YIPF4: variants seen among roughly 807,000 people sequenced by gnomAD.
YIPF4 encodes the protein protein YIPF4.
YIPF4 carries 18 observed loss-of-function variants against 29.4 expected under a neutral mutation model. The ratio of observed to expected loss-of-function variants is 0.61; its 90% CI spans 0.42 to 0.91. The LOEUF (loss-of-function observed/expected upper bound fraction) is 0.91. Ranked by LOEUF, YIPF4 falls within the 40% of genes least tolerant of loss-of-function variation. The pLI, the probability that YIPF4 is intolerant of heterozygous loss-of-function variation, is 0.00. For synonymous variants in YIPF4, 115 were observed against 104.7 expected, an observed-to-expected ratio of 1.10 and a Z score of -0.60; for missense variants, 279 against 282.7, an observed-to-expected ratio of 0.99 and a Z score of 0.09.
chr2:32,314,080 A>C lies in YIPF4; in HGVS notation c.*8454A>C, dbSNP rs1179851882. On this transcript the variant is annotated 3_prime_UTR_variant, in exon 6 of 6. Transcript: ENST00000238831. ...CCGAAATGCATGTACATGTACCATA[A>C]GAGACATATGTACAAGAATGTGCAC... 2.6e-5 allele frequency: 4 copies of C among 152,376 alleles called. No homozygotes were observed. The East Asian group carries it at 7.7e-4, about 29-fold the overall frequency. The allele number at this position is 152,376 out of a possible 1,614,324, so 9.4% of individuals were successfully genotyped here.
rs2030204613 is a variant in YIPF4 at position 32,278,310 on chromosome 2, A to C, written c.79+76A>C. ...ACGCCGTAGGGTCTTTCTGGTGCCG[A>C]GGTGGTCGTGGCCGGGTGGGGACAG... On this transcript the variant is annotated intron_variant, in intron 1 of 5. Transcript: ENST00000238831. The C allele has an allele frequency of 9.2e-6, 13 of 1,414,908 alleles. No homozygotes were observed. In the Admixed American group the frequency reaches 3.1e-4, roughly 34 times the overall value. The allele number at this position is 1,414,908 out of a possible 1,614,324, so 87.6% of individuals were successfully genotyped here.
intron 3 of YIPF4, among the ~76,000 whole-genome samples, chr2:32,297,028 A>G (rs372229904): frequency 2.5e-4 from 38 of 151,800 alleles, no homozygotes; most frequent in African/African-American, 8.9e-4. Flanking sequence ...AACATATCCC[A>G]TTCTTTTTTT....
At chr2:32,283,340 A>G (rs763261646) in intron 1 of YIPF4, among the ~76,000 whole-genome samples, 1 of 152,158 alleles carries the variant, frequency 6.6e-6, no homozygotes, top group Non-Finnish European at 1.5e-5. Context: ...TTTAACCATG[A>G]ATATTTTCAA....
intron 1 of YIPF4, among the ~76,000 whole-genome samples, chr2:32,283,983 G>C (rs376771927): frequency 1.3e-5 from 2 of 152,196 alleles, no homozygotes; most frequent in African/African-American, 4.8e-5. Flanking sequence ...GCCTCCCAAA[G>C]TGCTGGGATT....
Position 32,313,327 on chromosome 2 carries a change from T to TATGTCA in YIPF4, c.*7702_*7707dup. 6.6e-6 allele frequency: 1 copy of TATGTCA among 152,288 alleles called. No individual in the cohort carries two copies. The highest frequency in any genetic ancestry group is 2.1e-4 in the South Asian group (1 of 4,826). The allele number at this position is 152,288 out of a possible 1,614,324, so 9.4% of individuals were successfully genotyped here. On this transcript the variant is annotated 3_prime_UTR_variant, in exon 6 of 6. Transcript: ENST00000238831. The stretch of plus-strand genomic sequence containing the variant: ...TTAGTGGTTAATGAAATTGAACAGG[T>TATGTCA]ATGTCAGCACCATACCTGACATTCT...
chr2:32,300,394 A>G (rs2031358253), intron 4 of YIPF4, among the ~76,000 whole-genome samples: 1 of 151,186 alleles, frequency 6.6e-6, no homozygotes, highest in African/African-American at 2.4e-5. Context: ...AGATCGCGCC[A>G]CTGCACTCCA....
In YIPF4 at chr2:32,313,568, G is replaced by A. The variant is rs1390541993; in HGVS notation, c.*7942G>A. Reference sequence around the variant, plus strand: ...TTTTTAGTAAAGACGGTTTCTCCATGTAGGCCAAGCGGGTCTTGAACTCCC... The same window carrying A: ...TTTTTAGTAAAGACGGTTTCTCCATATAGGCCAAGCGGGTCTTGAACTCCC... On this transcript the variant is annotated 3_prime_UTR_variant, in exon 6 of 6. Coordinates refer to ENST00000238831, the MANE Select transcript of YIPF4 (RefSeq NM_032312.4). 3 of 151,948 alleles carry A rather than the reference G, an allele frequency of 2.0e-5. No individual in the cohort carries two copies. Among genetic ancestry groups the A allele is most frequent in the African/African-American group, 4.8e-5 (2 of 41,350 alleles). The allele number at this position is 151,948 out of a possible 1,614,324, so 9.4% of individuals were successfully genotyped here.
chr2:32,288,183 C>T (rs997760460), intron 1 of YIPF4, among the ~76,000 whole-genome samples: 3 of 152,068 alleles, frequency 2.0e-5, no homozygotes, highest in Non-Finnish European at 4.4e-5. Flanking sequence ...TGTCAAACTG[C>T]TATTGTTGGC....
intron 3 of YIPF4, among the ~76,000 whole-genome samples, chr2:32,297,579 G>T (rs539998974): frequency 6.6e-6 from 1 of 152,058 alleles, no homozygotes; most frequent in Non-Finnish European, 1.5e-5. Context: ...ACCAGCCTGG[G>T]CAACATAGTG....
rs2030953109 is a variant in YIPF4 at position 32,292,304 on chromosome 2, G to A, written c.361G>A (p.Val121Ile). 1.9e-6 allele frequency: 3 copies of A among 1,601,852 alleles called. No homozygotes were observed. The highest frequency in any genetic ancestry group is 4.5e-5 in the East Asian group (2 of 44,598). The change falls in exon 3 of 6, where the codon GTT becomes ATT. Residue 121 changes from valine (V) to isoleucine (I), a missense_variant. By Grantham distance (29) the Val-to-Ile change is conservative. Transcript: ENST00000238831. ...DNPDFWGPLA[V>I]VLFFSMISLY... ...TCCTGACTTTTGGGGTCCTCTGGCT[G>A]TTGTTCTTTTCTTTTCCATGATATC...
rs1332463436 is a variant in YIPF4 at position 32,309,315 on chromosome 2, A to AT, written c.*3694dup. The AT allele has an allele frequency of 6.6e-6, 1 of 152,130 alleles. No individual in the cohort carries two copies. Among genetic ancestry groups the AT allele is most frequent in the Admixed American group, 6.6e-5 (1 of 15,264 alleles). 9.4% of individuals were successfully genotyped at this position (152,130 alleles called of 1,614,324 possible). On this transcript the variant is annotated 3_prime_UTR_variant, in exon 6 of 6. Transcript: ENST00000238831. Reference sequence around the variant, plus strand: ...TTCATTGGAGCATTTTGCATTTCAGATTTTTGGATTAGGAAAACTCAACCA... The same window carrying AT: ...TTCATTGGAGCATTTTGCATTTCAGATTTTTTGGATTAGGAAAACTCAACCA...
intron 1 of YIPF4, among the ~76,000 whole-genome samples, chr2:32,280,383 ATTT>A (rs1223011054): frequency 8.1e-6 from 1 of 123,938 alleles, no homozygotes; most frequent in Non-Finnish European, 1.7e-5. Context: ...GCCCAGGCTA[ATTT>A]TTTTTTTTTT....
At chr2:32,295,032 G>T (rs369394376) in intron 3 of YIPF4, among the ~76,000 whole-genome samples, 1 of 150,744 alleles carries the variant, frequency 6.6e-6, no homozygotes, top group Non-Finnish European at 1.5e-5. Context: ...GTCCAGCTTC[G>T]GCTCGGCATC....
intron 5 of YIPF4, among the ~76,000 whole-genome samples, 190 bp from the exon 6 acceptor site, chr2:32,305,299 G>A (rs1051348294): frequency 3.3e-5 from 5 of 152,146 alleles, no homozygotes; most frequent in Non-Finnish European, 5.9e-5. Context: ...CACATTTACA[G>A]AAGTCAAGGA....
intron 3 of YIPF4, among the ~76,000 whole-genome samples, chr2:32,296,235 C>T (rs1243221064): frequency 6.6e-6 from 1 of 152,006 alleles, no homozygotes; most frequent in Non-Finnish European, 1.5e-5. Flanking sequence ...TGCCTACAGA[C>T]CGAGGCGGGT....
chr2:32,301,913 C>G (rs1461719812), intron 5 of YIPF4, among the ~76,000 whole-genome samples: 1 of 152,096 alleles, frequency 6.6e-6, no homozygotes, highest in Non-Finnish European at 1.5e-5. Flanking sequence ...CCATGTTGGC[C>G]AGACTGGTCT....
rs558528537 is a variant in YIPF4, at chr2:32,296,173, C to A, written c.406-2061C>A. 2.6e-5 allele frequency among the ~76,000 whole-genome samples: 4 copies of A among 152,156 alleles called. No homozygotes were observed. The East Asian group carries it at 7.7e-4, about 29-fold the overall frequency. ...TGTTTTGTATAATCTTTCATTTGAA[C>A]AAAGGGTTCTAAGGTTAAAAACAGA... On this transcript the variant is annotated intron_variant, in intron 3 of 5. Transcript: ENST00000238831.
intron 1 of YIPF4, among the ~76,000 whole-genome samples, chr2:32,279,388 A>G (rs2030275880): frequency 8.8e-6 from 1 of 113,402 alleles, no homozygotes. Flanking sequence ...AAGAACCTAG[A>G]TTTTCCTTTT....
chr2:32,287,888 G>C (rs1448097193), intron 1 of YIPF4, among the ~76,000 whole-genome samples: 1 of 151,778 alleles, frequency 6.6e-6, no homozygotes, highest in Non-Finnish European at 1.5e-5. Context: ...TTTTACTTAG[G>C]AAATGACAAG....
Sources: gnomAD v4.1 joint callset for allele counts (sites outside exome capture counted in the v4.1 genomes callset) on GRCh38, gnomAD v4.1.1 for gene constraint, MANE v1.5 for transcripts, NCBI Gene and HGNC (gene_info 2026-07-23, HGNC 2026-07-21) for gene names.